PHC3: variants seen among roughly 807,000 people sequenced by gnomAD.
The protein encoded by PHC3 is polyhomeotic homolog 3.
A neutral mutation model predicts 107.4 loss-of-function variants in PHC3; 13 were observed. The ratio of observed to expected loss-of-function variants is 0.12; its 90% CI spans 0.08 to 0.19. The LOEUF (loss-of-function observed/expected upper bound fraction) is 0.19. Ranked by LOEUF, PHC3 falls within the 10% of genes least tolerant of loss-of-function variation. PHC3 has a pLI of 1.00. For synonymous variants in PHC3, 456 were observed against 427.4 expected, an observed-to-expected ratio of 1.07 and a Z score of -0.83; for missense variants, 992 against 1,210.9, an observed-to-expected ratio of 0.82 and a Z score of 2.68.
At chr3:170,113,760 T>C (rs1718325426) in intron 10 of PHC3, among the ~76,000 whole-genome samples, 1 of 152,202 alleles carries the variant, frequency 6.6e-6, no homozygotes. Context: ...GAACCTATTG[T>C]CTGAGTTTAG....
At chr3:170,104,083 T>C (rs575918526) in intron 12 of PHC3, among the ~76,000 whole-genome samples, 1 of 151,792 alleles carries the variant, frequency 6.6e-6, no homozygotes, top group East Asian at 1.9e-4. Context: ...ACAATAAAAA[T>C]AAAAAAATAA....
intron 10 of PHC3, among the ~76,000 whole-genome samples, chr3:170,114,134 C>G (rs1380373826): frequency 6.6e-6 from 1 of 152,124 alleles, no homozygotes; most frequent in Non-Finnish European, 1.5e-5. Flanking sequence ...CTCGGCCTCC[C>G]AAGTAGCTGG....
At chr3:170,132,829 A>G (rs1006554586) in intron 7 of PHC3, among the ~76,000 whole-genome samples, 2 of 152,240 alleles carry the variant, frequency 1.3e-5, no homozygotes, top group Middle Eastern at 3.2e-3. Context: ...TTTCCAATTA[A>G]GCTAGTTTCA....
In PHC3 at chr3:170,129,165, GGGT is replaced by G. The variant is rs758322540; in HGVS notation, c.1304_1306del (p.His435del). The G allele has an allele frequency of 5.8e-5, 93 of 1,613,850 alleles. No individual in the cohort carries two copies. Among genetic ancestry groups the G allele is most frequent in the Non-Finnish European group, 7.5e-5 (89 of 1,179,886 alleles). On this transcript the variant is annotated inframe_deletion, in exon 8 of 15. Transcript: ENST00000495893. ...TGGCTGGAGAGCTGATGACACAAGAGGGTGTGGCTGAATAAGTGCTTGTGGATG... is the reference window on the plus strand; with the variant it reads ...TGGCTGGAGAGCTGATGACACAAGAGGTGGCTGAATAAGTGCTTGTGGATG...
chr3:170,167,914 T>C (rs1354368499), intron 4 of PHC3, among the ~76,000 whole-genome samples: 1 of 152,122 alleles, frequency 6.6e-6, no homozygotes, highest in East Asian at 1.9e-4. Flanking sequence ...TCCCAGCACT[T>C]TGTGACCTGT....
intron 4 of PHC3, among the ~76,000 whole-genome samples, chr3:170,152,950 TCGC>T (rs1279525010): frequency 6.6e-6 from 1 of 152,070 alleles, no homozygotes; most frequent in Non-Finnish European, 1.5e-5. Flanking sequence ...GCATGAGCCA[TCGC>T]ACCAGACCAC....
chr3:170,100,532 T>C (rs1319474509), intron 14 of PHC3, among the ~76,000 whole-genome samples: 3 of 152,210 alleles, frequency 2.0e-5, no homozygotes, highest in Non-Finnish European at 2.9e-5. Context: ...TTAACCAGAC[T>C]CTAAAATAGT....
In PHC3 at chr3:170,129,300, G is replaced by C; in HGVS notation, c.1172C>G (p.Pro391Arg). 6.2e-7 allele frequency: 1 copy of C among 1,613,924 alleles called. No homozygotes were observed. The highest frequency in any genetic ancestry group is 8.5e-7 in the Non-Finnish European group (1 of 1,179,878). Residue 391 changes from proline (P) to arginine (R), a missense_variant, in exon 8 of 15, where the codon CCC (proline) becomes CGC (arginine). Pro to Arg is a moderately radical substitution (Grantham distance 103, BLOSUM62 -2). This residue lies in a region of PHC3 where 543 missense variants were observed against 590.8 expected (regional missense o/e 0.92). Transcript: ENST00000495893. ...ATTAGGAGACACTGTTAAAGGAGAG[G>C]GATGACTCTGAATCGGTGAACAATG... ...SQHCSPIQSH[P>R]SPLTVSPNQS...
chr3:170,110,264 A>G (rs1029704162), intron 11 of PHC3, among the ~76,000 whole-genome samples: 4 of 152,054 alleles, frequency 2.6e-5, no homozygotes, highest in Non-Finnish European at 5.9e-5. Flanking sequence ...ACCCACCTTC[A>G]AACCATCCAC....
At chr3:170,178,692 AAAC>A in intron 2 of PHC3, 78 bp downstream of exon 2, 3 of 1,449,236 alleles carry the variant, frequency 2.1e-6, no homozygotes, top group Non-Finnish European at 2.9e-6. Context: ...TGAGAATATG[AAAC>A]AATACATAAA....
intron 8 of PHC3, among the ~76,000 whole-genome samples, chr3:170,126,723 G>A (rs1272139130): frequency 6.6e-6 from 1 of 151,164 alleles, no homozygotes; most frequent in Non-Finnish European, 1.5e-5. Context: ...TGTATTTTTA[G>A]TAGAGATGAG....
At chr3:170,159,146 G>C (rs574796220) in intron 4 of PHC3, among the ~76,000 whole-genome samples, 3 of 150,808 alleles carry the variant, frequency 2.0e-5, no homozygotes, top group Non-Finnish European at 2.9e-5. Flanking sequence ...AGCTATTCAG[G>C]AGGCTGAGGC....
At chr3:170,141,573 G>A (rs1724100992) in intron 6 of PHC3, among the ~76,000 whole-genome samples, 2 of 152,062 alleles carry the variant, frequency 1.3e-5, no homozygotes, top group African/African-American at 4.8e-5. Flanking sequence ...CTAAGCAGCT[G>A]GTTTGTTTGT....
At position 170,128,807 on chromosome 3, in the gene PHC3, C is replaced by T; in HGVS notation, c.1665G>A (p.Val555=). The T allele has an allele frequency of 6.2e-7, 1 of 1,614,006 alleles. No homozygotes were observed. Among genetic ancestry groups the T allele is most frequent in the African/African-American group, 1.3e-5 (1 of 75,042 alleles). ...QGQVLVQNAL[V]SEEELPAAEA... ...CTGCAGCTGGAAGTTCCTCTTCTGACACCAAAGCATTCTGCACCAAAACCT... is the reference window on the plus strand; with the variant it reads ...CTGCAGCTGGAAGTTCCTCTTCTGATACCAAAGCATTCTGCACCAAAACCT... The change falls in exon 8 of 15, where the codon GTG becomes GTA. Residue 555 remains valine, a synonymous_variant. Transcript: ENST00000495893.
At chr3:170,167,731 G>A (rs1435066592) in intron 4 of PHC3, among the ~76,000 whole-genome samples, 1 of 146,278 alleles carries the variant, frequency 6.8e-6, no homozygotes, top group African/African-American at 2.5e-5. Context: ...CTGCACTCCA[G>A]CCTGGGCGAC....
At chr3:170,160,792 A>T (rs1727758847) in intron 4 of PHC3, among the ~76,000 whole-genome samples, 1 of 152,140 alleles carries the variant, frequency 6.6e-6, no homozygotes, top group Non-Finnish European at 1.5e-5. Flanking sequence ...CTGTAATCCC[A>T]GTTACTCAGG....
chr3:170,172,793 G>T (rs1729813834), intron 2 of PHC3, 81 bp from the exon 3 acceptor site: 1 of 1,480,256 alleles, frequency 6.8e-7, no homozygotes, highest in East Asian at 2.3e-5. Flanking sequence ...TAAAAAAGTG[G>T]CAGTTTAAAA....
At chr3:170,142,321 T>C (rs1383607160) in intron 6 of PHC3, among the ~76,000 whole-genome samples, 1 of 152,154 alleles carries the variant, frequency 6.6e-6, no homozygotes, top group Non-Finnish European at 1.5e-5. Flanking sequence ...GAGCAAGTAT[T>C]TGAACTCAGA....
At chr3:170,167,156 T>G (rs1296955879) in intron 4 of PHC3, among the ~76,000 whole-genome samples, 1 of 152,188 alleles carries the variant, frequency 6.6e-6, no homozygotes, top group Non-Finnish European at 1.5e-5. Context: ...GTGCATATAT[T>G]TCTATTTTTT....
Sources: gnomAD v4.1 joint callset for allele counts (sites outside exome capture counted in the v4.1 genomes callset) on GRCh38, gnomAD v4.1.1 for gene constraint, gnomAD v4.1.1 regional missense constraint, MANE v1.5 for transcripts, NCBI Gene and HGNC (gene_info 2026-07-23, HGNC 2026-07-21) for gene names.